RGS22: variants seen among roughly 807,000 people sequenced by gnomAD.
RGS22 encodes regulator of G-protein signaling 22.
A neutral mutation model predicts 172.9 loss-of-function variants in RGS22; 148 were observed. That is an observed-to-expected ratio of 0.86 (90% CI 0.75 to 0.98). The LOEUF is 0.98. Ranked by LOEUF, RGS22 falls within the 50% of genes least tolerant of loss-of-function variation. The pLI is 0.00. For synonymous variants in RGS22, 458 were observed against 480.2 expected (o/e 0.95, Z 0.60); for missense variants, 1,347 against 1,440.8 (o/e 0.93, Z 1.05).
At chr8:99,961,697 T>C (rs1424334745) in intron 27 of RGS22, among the ~76,000 whole-genome samples, 1 of 152,016 alleles carries the variant, frequency 6.6e-6, no homozygotes, top group Admixed American at 6.6e-5. Flanking sequence ...AGCAGGAGTG[T>C]CAGCAAATGT....
intron 22 of RGS22, among the ~76,000 whole-genome samples, chr8:99,979,651 T>C (rs891411063): frequency 3.7e-4 from 56 of 152,144 alleles, no homozygotes; most frequent in African/African-American, 1.3e-3. Context: ...TGTCAGCAGT[T>C]TTAAATTTAC....
Position 100,102,933 on chromosome 8 carries a change from C to T in RGS22, c.54+2441G>A, listed in dbSNP as rs550804371. Among the ~76,000 whole-genome samples, 4 of 152,286 alleles carry T rather than the reference C, an allele frequency of 2.6e-5. No homozygotes were observed. In the East Asian group the frequency reaches 7.7e-4, roughly 29 times the overall value. ...CAGTTATGAGATATGTGGCCTCAGG[C>T]CCAGTTAGTTAACCACTGTGAACTT... On this transcript the variant is annotated intron_variant, in intron 2 of 27. Transcript: ENST00000360863.
intron 19 of RGS22, among the ~76,000 whole-genome samples, chr8:99,997,059 A>T (rs867017575): frequency 6.6e-6 from 1 of 152,158 alleles, no homozygotes; most frequent in African/African-American, 2.4e-5. Flanking sequence ...GACTAGAATC[A>T]CTGGGGCTAA....
chr8:100,064,631 G>C (rs1040548990), intron 7 of RGS22, among the ~76,000 whole-genome samples: 2 of 152,018 alleles, frequency 1.3e-5, no homozygotes, highest in South Asian at 4.1e-4. Context: ...ACACACAGAA[G>C]ATATACAAAA....
chr8:99,980,233 C>T (rs1044636162), intron 22 of RGS22, among the ~76,000 whole-genome samples: 54 of 151,986 alleles, frequency 3.6e-4, no homozygotes, highest in African/African-American at 1.3e-3. Context: ...TGTGCTGCAC[C>T]GGAATTGAAA....
At position 99,962,555 on chromosome 8, in the gene RGS22, T is replaced by C. The variant is rs112873318; in HGVS notation, c.3791-112A>G. The C allele has an allele frequency of 4.9e-5, 70 of 1,419,870 alleles. No homozygotes were observed. In the Middle Eastern group the frequency reaches 5.3e-4, roughly 11 times the overall value. The allele number at this position is 1,419,870 out of a possible 1,614,324, so 88.0% of individuals were successfully genotyped here. A position where few individuals can be genotyped will look rare whatever the true frequency, so the allele number is the denominator to read the frequency against. ...ACACACACGGAGAAATTCTCCTAAGTTGGGGGGCAGAATAGGGTGGAGGGG... is the reference window on the plus strand; with the variant it reads ...ACACACACGGAGAAATTCTCCTAAGCTGGGGGGCAGAATAGGGTGGAGGGG... On this transcript the variant is annotated intron_variant, in intron 26 of 27. Coordinates refer to ENST00000360863, the MANE Select transcript of RGS22 (RefSeq NM_015668.5).
chr8:100,080,129 C>A lies in RGS22; in HGVS notation c.339+5G>T, dbSNP rs1200337770. 3.2e-6 allele frequency: 5 copies of A among 1,572,776 alleles called. No individual in the cohort carries two copies. The highest frequency in any genetic ancestry group is 4.4e-6 in the Non-Finnish European group (5 of 1,146,192). ...CTAACAAGATAAAACAGTATACTTTCTTACCATAATATTGTAGTTGACATT... is the reference window on the plus strand; with the variant it reads ...CTAACAAGATAAAACAGTATACTTTATTACCATAATATTGTAGTTGACATT... On this transcript the variant is annotated splice_donor_5th_base_variant and intron_variant, in intron 4 of 27. Coordinates refer to ENST00000360863, the MANE Select transcript of RGS22 (RefSeq NM_015668.5).
chr8:99,964,477 C>CAAAAAAAAAAAAAAAA, intron 24 of RGS22, among the ~76,000 whole-genome samples: 1 of 55,260 alleles, frequency 1.8e-5, no homozygotes, highest in Non-Finnish European at 3.8e-5. Flanking sequence ...GACCCTGTCT[C>CAAAAAAAAAAAAAAAA]AAAAAAAAAA....
chr8:99,966,471 T>C (rs558003307), intron 23 of RGS22, among the ~76,000 whole-genome samples: 8 of 152,046 alleles, frequency 5.3e-5, no homozygotes, highest in Admixed American at 2.0e-4. Flanking sequence ...AAAAAAAACT[T>C]ACCCAAACTT....
At chr8:100,093,187 C>G in intron 3 of RGS22, 1 of 309,048 alleles carries the variant, frequency 3.2e-6, no homozygotes. Context: ...TAACATGGTG[C>G]CAAATACAGC....
chr8:100,012,849 CT>C (rs1164486926), intron 14 of RGS22, among the ~76,000 whole-genome samples: 3 of 151,844 alleles, frequency 2.0e-5, no homozygotes, highest in African/African-American at 7.3e-5. Context: ...TTGAAATATG[CT>C]TTTTTCTTTT....
Position 99,965,319 on chromosome 8 carries a change from C to T in RGS22, c.3615+16G>A. On this transcript the variant is annotated intron_variant, in intron 24 of 27. Coordinates refer to ENST00000360863, the MANE Select transcript of RGS22 (RefSeq NM_015668.5). ...TCCAGCGGGGAAATGAGGTCTGCACCATCTTGCATGCTTACCTGTCGGCCA... is the reference window on the plus strand; with the variant it reads ...TCCAGCGGGGAAATGAGGTCTGCACTATCTTGCATGCTTACCTGTCGGCCA... 1 of 1,583,032 alleles carries T rather than the reference C, an allele frequency of 6.3e-7. No individual in the cohort carries two copies. The highest frequency in any genetic ancestry group is 8.7e-7 in the Non-Finnish European group (1 of 1,152,164).
intron 14 of RGS22, among the ~76,000 whole-genome samples, chr8:100,013,134 T>G (rs1164153669): frequency 6.6e-6 from 1 of 151,900 alleles, no homozygotes; most frequent in Admixed American, 6.6e-5. Context: ...GGACTACAGG[T>G]GTCCACCACC....
intron 4 of RGS22, among the ~76,000 whole-genome samples, chr8:100,073,176 G>T (rs566266648): frequency 6.6e-6 from 1 of 152,282 alleles, no homozygotes; most frequent in South Asian, 2.1e-4. Context: ...TGAGGTAAAT[G>T]TATTTGCATT....
Position 100,001,219 on chromosome 8 carries a change from T to TATATATATATATACAC in RGS22, c.2790+982_2790+983insGTGTATATATATATAT, listed in dbSNP as rs1402594104. ...CCAATTTTTTATATATATATATATA[T>TATATATATATATACAC]ACATATATATATATACATTTTTTTT... On this transcript the variant is annotated intron_variant, in intron 18 of 27. Transcript: ENST00000360863. Among the ~76,000 whole-genome samples the TATATATATATATACAC allele has an allele frequency of 8.4e-3, 1,118 of 132,904 alleles. 16 individuals are homozygous for TATATATATATATACAC. The highest frequency in any genetic ancestry group is 0.03 in the African/African-American group (1,045 of 35,306). 87.2% of individuals were successfully genotyped at this position (132,904 alleles called of 152,430 possible).
In RGS22 at chr8:100,071,336, C is replaced by A. The variant is rs181941700; in HGVS notation, c.594+33G>T. On this transcript the variant is annotated intron_variant, in intron 6 of 27. Coordinates refer to ENST00000360863, the MANE Select transcript of RGS22 (RefSeq NM_015668.5). ...AATAAAATCAGAAGTGTTAGTGAAGCGCTAAGTCATGAAAAAATGCTCATA... is the reference window on the plus strand; with the variant it reads ...AATAAAATCAGAAGTGTTAGTGAAGAGCTAAGTCATGAAAAAATGCTCATA... The A allele has an allele frequency of 3.2e-6, 5 of 1,543,414 alleles. No homozygotes were observed. The Admixed American group carries it at 7.9e-5, about 25-fold the overall frequency.
In RGS22 at chr8:100,071,455, C is replaced by G; in HGVS notation, c.508G>C (p.Val170Leu). ...TVGSNFSPWIVKKPPSLPPPA... is the reference protein window; with the variant it reads ...TVGSNFSPWILKKPPSLPPPA... ...GGTGGTAGACTGGGTGGTTTTTTCA[C>G]GATCCAGGGAGAAAAATTTGATCCT... Residue 170 changes from valine to leucine, a missense_variant, in exon 6 of 28, where the codon GTG (valine) becomes CTG (leucine). Physicochemically the swap from Val to Leu is conservative, Grantham distance 32. Coordinates refer to ENST00000360863, the MANE Select transcript of RGS22 (RefSeq NM_015668.5). 1 of 1,612,790 alleles carries G rather than the reference C, an allele frequency of 6.2e-7. No individual in the cohort carries two copies. The highest frequency in any genetic ancestry group is 8.5e-7 in the Non-Finnish European group (1 of 1,179,288).
chr8:100,010,836 G>A (rs1293960198), intron 14 of RGS22, among the ~76,000 whole-genome samples: 1 of 150,394 alleles, frequency 6.6e-6, no homozygotes, highest in Non-Finnish European at 1.5e-5. Flanking sequence ...AAGAGATGGG[G>A]TCTTGCTATG....
chr8:100,047,658 A>G, intron 10 of RGS22, 62 bp from the exon 11 acceptor site: 1 of 1,436,572 alleles, frequency 7.0e-7, no homozygotes. Context: ...CTCTGCACCT[A>G]TACCTCAAAT....
Sources: gnomAD v4.1 joint callset for allele counts (sites outside exome capture counted in the v4.1 genomes callset) on GRCh38, gnomAD v4.1.1 for gene constraint, MANE v1.5 for transcripts, NCBI Gene and HGNC (gene_info 2026-07-23, HGNC 2026-07-21) for gene names.